The following KLRG1 variants were observed in gnomAD, a reference collection of about 807,000 sequenced individuals.
KLRG1 encodes killer cell lectin-like receptor subfamily G member 1.
KLRG1 carries 16 observed loss-of-function variants against 21.8 expected under a neutral mutation model. The observed-to-expected ratio is 0.73, with a 90% CI of 0.50 to 1.11. The LOEUF (loss-of-function observed/expected upper bound fraction) is 1.11. KLRG1 is among the 50% of genes most tolerant of loss of function. The pLI is 0.00. For missense variants in KLRG1, 173 were observed against 218.3 expected (o/e 0.79, Z 1.31); for synonymous variants, 69 against 75.9 (o/e 0.91, Z 0.47).
intron 1 of KLRG1, among the ~76,000 whole-genome samples, chr12:8,972,098 A>T (rs1946578356): frequency 6.6e-6 from 1 of 151,938 alleles, no homozygotes; most frequent in African/African-American, 2.4e-5. Context: ...TGTCAAGAAG[A>T]TTTCCCCTCT....
At chr12:9,156,876 T>G in the KLRG1 span, among the ~76,000 whole-genome samples, 4 of 152,258 alleles carry the variant, frequency 2.6e-5, no homozygotes, top group East Asian at 7.7e-4. Context: ...TCACCTTTTT[T>G]TGCACAGTTT....
chr12:9,166,717 T>C, the KLRG1 span, among the ~76,000 whole-genome samples: 1 of 152,218 alleles, frequency 6.6e-6, no homozygotes, highest in East Asian at 1.9e-4. Context: ...GGAAATAAGA[T>C]TAGAGCATTA....
chr12:9,162,538 T>G, the KLRG1 span: 6 of 1,199,204 alleles, frequency 5.0e-6, no homozygotes, highest in Non-Finnish European at 6.1e-6. Flanking sequence ...CATTGTAACT[T>G]GAGGTTTATA....
chr12:8,963,001 A>T (rs1946405925), intron 1 of KLRG1, among the ~76,000 whole-genome samples: 1 of 152,224 alleles, frequency 6.6e-6, no homozygotes, highest in African/African-American at 2.4e-5. Flanking sequence ...GAGCTACATT[A>T]TTAAGCTGCT....
At chr12:9,005,016 T>G (rs1947427103) in intron 3 of KLRG1, among the ~76,000 whole-genome samples, 1 of 152,188 alleles carries the variant, frequency 6.6e-6, no homozygotes, top group Non-Finnish European at 1.5e-5. Flanking sequence ...CTCTCATATG[T>G]ATTGTAGCAA....
the KLRG1 span, among the ~76,000 whole-genome samples, chr12:9,173,817 G>A: frequency 6.6e-6 from 1 of 152,258 alleles, no homozygotes; most frequent in African/African-American, 2.4e-5. Flanking sequence ...AACGAGTTCT[G>A]AAATTGAGGC....
At chr12:8,968,992 A>T (rs191071588) in intron 1 of KLRG1, among the ~76,000 whole-genome samples, 1 of 152,346 alleles carries the variant, frequency 6.6e-6, no homozygotes, top group African/African-American at 2.4e-5. Flanking sequence ...GCATTATGCT[A>T]AAATTTATAG....
chr12:8,961,367 A>G (rs1399682388), intron 1 of KLRG1, among the ~76,000 whole-genome samples: 2 of 152,202 alleles, frequency 1.3e-5, no homozygotes, highest in African/African-American at 4.8e-5. Context: ...TCAAACTGAT[A>G]ACAGGTAACT....
intron 1 of KLRG1, among the ~76,000 whole-genome samples, chr12:8,967,926 GA>G (rs1261865326): frequency 6.8e-6 from 1 of 147,388 alleles, no homozygotes; most frequent in African/African-American, 2.5e-5. Flanking sequence ...AATCATAACA[GA>G]AAGAAAAGAA....
At chr12:9,026,661 C>A in the KLRG1 span, among the ~76,000 whole-genome samples, 1 of 152,102 alleles carries the variant, frequency 6.6e-6, no homozygotes, top group African/African-American at 2.4e-5. Flanking sequence ...GCTATTCACT[C>A]TATCAGGGTT....
At chr12:9,157,623 G>T in the KLRG1 span, 5 of 765,040 alleles carry the variant, frequency 6.5e-6, no homozygotes, top group African/African-American at 8.8e-5. Context: ...CTCTCTTAAT[G>T]CATCAACCAA....
At chr12:9,176,123 C>A in the KLRG1 span, among the ~76,000 whole-genome samples, 1 of 152,174 alleles carries the variant, frequency 6.6e-6, no homozygotes, top group African/African-American at 2.4e-5. Flanking sequence ...GAATACTATG[C>A]AGCCATAAAA....
At chr12:9,099,478 G>A in the KLRG1 span, 1 of 1,610,064 alleles carries the variant, frequency 6.2e-7, no homozygotes, top group Non-Finnish European at 8.5e-7. Flanking sequence ...AGCGACAGGA[G>A]CAATGTCTGA....
chr12:8,963,081 G>A (rs1367139598), intron 1 of KLRG1, among the ~76,000 whole-genome samples: 2 of 152,134 alleles, frequency 1.3e-5, no homozygotes, highest in Non-Finnish European at 1.5e-5. Context: ...TAGTTTCTTT[G>A]CATCAGAAAC....
At chr12:9,022,701 A>G in the KLRG1 span, among the ~76,000 whole-genome samples, 1 of 152,140 alleles carries the variant, frequency 6.6e-6, no homozygotes, top group Non-Finnish European at 1.5e-5. Context: ...ATGATGGCCA[A>G]TGATGTAATC....
chr12:8,968,232 T>C (rs1946510760), intron 1 of KLRG1, among the ~76,000 whole-genome samples: 1 of 67,232 alleles, frequency 1.5e-5, no homozygotes, highest in South Asian at 4.4e-4. Flanking sequence ...AAGTGTATGC[T>C]ATCTAAAACA....
the KLRG1 span, chr12:9,158,602 G>A: frequency 6.2e-7 from 1 of 1,611,190 alleles, no homozygotes; most frequent in Non-Finnish European, 8.5e-7. Context: ...ATGCAGTGCT[G>A]AGGCTCTTTT....
chr12:9,079,748 C>T, the KLRG1 span: 7 of 1,613,526 alleles, frequency 4.3e-6, no homozygotes, highest in South Asian at 7.7e-5. Context: ...CCATATTCTG[C>T]TCTCCACAGC....
At chr12:9,128,033 G>T in the KLRG1 span, 1 of 249,188 alleles carries the variant, frequency 4.0e-6, no homozygotes, top group Non-Finnish European at 8.2e-6. Flanking sequence ...GAAGGAGCTT[G>T]GAGGCAGACA....
Sources: gnomAD v4.1 joint callset for allele counts (sites outside exome capture counted in the v4.1 genomes callset) on GRCh38, gnomAD v4.1.1 for gene constraint, MANE v1.5 for transcripts, NCBI Gene and HGNC (gene_info 2026-07-23, HGNC 2026-07-21) for gene names.